INTS10: variants seen among roughly 807,000 people sequenced by gnomAD.
INTS10 encodes integrator complex subunit 10, also known as chromosome 8 open reading frame 35.
In INTS10, 44 loss-of-function variants were observed where a neutral mutation model predicts 94.4. The ratio of observed to expected loss-of-function variants is 0.47; its 90% CI spans 0.37 to 0.60. INTS10 has a LOEUF of 0.60. INTS10 is among the 20% of genes least tolerant of loss of function. INTS10 has a pLI of 0.00. For missense variants in INTS10, 797 were observed against 868.7 expected, an observed-to-expected ratio of 0.92 and a Z score of 1.04; for synonymous variants, 341 against 320.7, an observed-to-expected ratio of 1.06 and a Z score of -0.68.
intron 16 of INTS10, among the ~76,000 whole-genome samples, chr8:19,847,369 A>G (rs2068665337): frequency 6.6e-6 from 1 of 152,198 alleles, no homozygotes; most frequent in Admixed American, 6.5e-5. Flanking sequence ...AAGAATAACT[A>G]TGTTGTTCAA....
chr8:19,840,786 G>A (rs2068068836), intron 13 of INTS10, among the ~76,000 whole-genome samples: 1 of 152,080 alleles, frequency 6.6e-6, no homozygotes. Flanking sequence ...CAAAAATTAA[G>A]TATTTCTGCA....
intron 9 of INTS10, among the ~76,000 whole-genome samples, chr8:19,828,525 A>C (rs1008274978): frequency 1.3e-5 from 2 of 152,230 alleles, no homozygotes; most frequent in African/African-American, 4.8e-5. Flanking sequence ...TAAATGTAAA[A>C]ACATTTGGAA....
At chr8:19,841,242 G>A (rs1708445765) in intron 13 of INTS10, among the ~76,000 whole-genome samples, 1 of 152,100 alleles carries the variant, frequency 6.6e-6, no homozygotes, top group South Asian at 2.1e-4. Flanking sequence ...TAAATTTTAA[G>A]GTTGAAATGT....
chr8:19,841,515 C>T (rs554521368), intron 13 of INTS10, among the ~76,000 whole-genome samples: 2 of 152,216 alleles, frequency 1.3e-5, no homozygotes, highest in African/African-American at 4.8e-5. Flanking sequence ...ACAGGAAGAA[C>T]AGATTCACAG....
At chr8:19,828,632 C>A (rs903422122) in intron 9 of INTS10, among the ~76,000 whole-genome samples, 2 of 152,036 alleles carry the variant, frequency 1.3e-5, no homozygotes, top group Non-Finnish European at 2.9e-5. Context: ...CTAGCAGACG[C>A]GCCATGTGTG....
chr8:19,827,344 A>G (rs186117084), intron 9 of INTS10, among the ~76,000 whole-genome samples: 131 of 152,098 alleles, frequency 8.6e-4, no homozygotes, highest in African/African-American at 3.0e-3. Context: ...TCTCCTGAAC[A>G]CCCATCTGAA....
chr8:19,821,867 G>A (rs1043753656), intron 4 of INTS10: 1 of 152,176 alleles, frequency 6.6e-6, no homozygotes, highest in African/African-American at 2.4e-5. Flanking sequence ...GCATCCCTGT[G>A]TGGTCACAAG....
At chr8:19,822,367 C>A (rs2066446099) in intron 4 of INTS10, 72 bp from the exon 5 acceptor site, 2 of 788,156 alleles carry the variant, frequency 2.5e-6, no homozygotes, top group Admixed American at 2.4e-5. Context: ...AAAAAAAATA[C>A]CCCATTACTT....
chr8:19,818,567 T>C, intron 2 of INTS10: 2 of 549,242 alleles, frequency 3.6e-6, no homozygotes, highest in Non-Finnish European at 6.5e-6. Flanking sequence ...AAAACTTCTG[T>C]TTCATAATTT....
intron 13 of INTS10, among the ~76,000 whole-genome samples, chr8:19,838,212 CG>C (rs2067825105): frequency 6.6e-6 from 1 of 151,868 alleles, no homozygotes; most frequent in South Asian, 2.1e-4. Flanking sequence ...AAAAATTACC[CG>C]GGTGTGGTGG....
Position 19,830,398 on chromosome 8 carries a change from T to G in INTS10, c.1141-8T>G. On this transcript the variant is annotated splice_polypyrimidine_tract_variant and splice_region_variant and intron_variant, in intron 9 of 16. Transcript: ENST00000397977. ...GAATTAACCATGTTCTCCACATTCT[T>G]TAAGCAGAGTTCAGACGATGAAGAC... 6.2e-7 allele frequency: 1 copy of G among 1,610,090 alleles called. No individual in the cohort carries two copies. Among genetic ancestry groups the G allele is most frequent in the Non-Finnish European group, 8.5e-7 (1 of 1,178,356 alleles).
Position 19,849,047 on chromosome 8 carries a change from T to A in INTS10, c.1977-2602T>A. The A allele has an allele frequency of 2.4e-6, 1 of 411,288 alleles. No individual in the cohort carries two copies. Among genetic ancestry groups the A allele is most frequent in the Non-Finnish European group, 4.7e-6 (1 of 211,860 alleles). The allele number at this position is 411,288 out of a possible 1,614,324, so 25.5% of individuals were successfully genotyped here. On this transcript the variant is annotated intron_variant, in intron 16 of 16. Coordinates refer to ENST00000397977, the MANE Select transcript of INTS10 (RefSeq NM_018142.4). The surrounding 1 kb of genome is among the most constrained non-coding windows in gnomAD (Gnocchi z 4.6). ...ACGGCCAGGGGCTTGTTGAGGTTAA[T>A]GAGTTTCTGTTTAGTCTGCTTCTAG...
Position 19,843,566 on chromosome 8 carries a change from C to T in INTS10, c.1720-510C>T, listed in dbSNP as rs746318746. Among the ~76,000 whole-genome samples the T allele has an allele frequency of 1.3e-5, 2 of 152,170 alleles. No homozygotes were observed. Among genetic ancestry groups the T allele is most frequent in the Non-Finnish European group, 2.9e-5 (2 of 68,024 alleles). On this transcript the variant is annotated intron_variant, in intron 14 of 16. Coordinates refer to ENST00000397977, the MANE Select transcript of INTS10 (RefSeq NM_018142.4). This position sits in a 1 kb window ranked among gnomAD's most constrained non-coding sequence, Gnocchi z 4.7. ...TTTAAAGTGTGATTTTATGCATAAC[C>T]GCTCATTTGAAACAAAAACTGTTTT...
rs1170613784 is a variant in INTS10, at chr8:19,843,473, T to C, written c.1719+546T>C. ...TGGCCAGAGAGTAAAACATTGGGTC[T>C]CCACTTCAGTGCAGTAACTCCCACT... On this transcript the variant is annotated intron_variant, in intron 14 of 16. Transcript: ENST00000397977. The surrounding 1 kb of genome is among the most constrained non-coding windows in gnomAD (Gnocchi z 4.7). Among the ~76,000 whole-genome samples the C allele has an allele frequency of 6.6e-6, 1 of 152,212 alleles. No homozygotes were observed. The highest frequency in any genetic ancestry group is 1.5e-5 in the Non-Finnish European group (1 of 68,042).
intron 1 of INTS10, among the ~76,000 whole-genome samples, 175 bp downstream of exon 1, chr8:19,817,841 C>T (rs1323113497): frequency 6.9e-6 from 1 of 145,780 alleles, no homozygotes; most frequent in Non-Finnish European, 1.5e-5. Flanking sequence ...CTTGCTCCTA[C>T]ACCTTTCACC....
Position 19,842,901 on chromosome 8 carries a change from C to T in INTS10, c.1693C>T (p.Leu565Phe). 6.2e-7 allele frequency: 1 copy of T among 1,611,686 alleles called. No homozygotes were observed. The highest frequency in any genetic ancestry group is 1.7e-5 in the Admixed American group (1 of 59,986). ...CTSKAIMPYC[L>F]HLMLACFKLR... is the part of the protein sequence containing the mutation. ...CAGCAAGGCTATCATGCCATACTGC[C>T]TCCATTTAATGTTAGCCTGTTTTAA... Residue 565 changes from leucine (L) to phenylalanine (F), a missense_variant, in exon 14 of 17, where the codon CTC becomes TTC. Leu to Phe is a conservative substitution (Grantham distance 22). Coordinates refer to ENST00000397977, the MANE Select transcript of INTS10 (RefSeq NM_018142.4).
At position 19,824,890 on chromosome 8, in the gene INTS10, C is replaced by T. The variant is rs1480254865; in HGVS notation, c.924C>T (p.Asn308=). ...FDSEAHAKYK[N]QVVYSTMLVF... Reference sequence around the variant, plus strand: ...GTGAAGCACATGCAAAATATAAAAACCAAGTGGTGTATTCCACCATGCTGG... The same window carrying T: ...GTGAAGCACATGCAAAATATAAAAATCAAGTGGTGTATTCCACCATGCTGG... The change falls in exon 8 of 17, where the codon AAC becomes AAT. Residue 308 remains asparagine, a synonymous_variant. Coordinates refer to ENST00000397977, the MANE Select transcript of INTS10 (RefSeq NM_018142.4). 1 of 1,613,268 alleles carries T rather than the reference C, an allele frequency of 6.2e-7. No individual in the cohort carries two copies. The highest frequency in any genetic ancestry group is 2.2e-5 in the East Asian group (1 of 44,824).
At chr8:19,836,958 T>A (rs1463534613) in intron 12 of INTS10, 94 bp from the exon 13 acceptor site, 4 of 785,256 alleles carry the variant, frequency 5.1e-6, no homozygotes, top group Non-Finnish European at 9.1e-6. Context: ...CATGTACACA[T>A]TGCCTGATTG....
At chr8:19,825,187 A>G (rs7018235) in intron 8 of INTS10, among the ~76,000 whole-genome samples, 102,944 of 152,112 alleles carry the variant, frequency 0.68, 34,941 homozygotes, top group Non-Finnish European at 0.71. Context: ...CAAAGGGCGT[A>G]ATGGTACTGC....
Sources: gnomAD v4.1 joint callset for allele counts (sites outside exome capture counted in the v4.1 genomes callset) on GRCh38, gnomAD v4.1.1 for gene constraint, Gnocchi (gnomAD v3.1) non-coding constraint, MANE v1.5 for transcripts, NCBI Gene and HGNC (gene_info 2026-07-23, HGNC 2026-07-21) for gene names.